Variants in ZC3H11A observed in about 807,000 individuals in gnomAD.
ZC3H11A encodes zinc finger CCCH domain-containing protein 11A.
ZC3H11A carries 22 observed loss-of-function variants against 90.8 expected under a neutral mutation model. The ratio of observed to expected loss-of-function variants is 0.24; its 90% CI spans 0.17 to 0.35. ZC3H11A has a LOEUF of 0.35. ZC3H11A is among the 10% of genes least tolerant of loss of function. ZC3H11A has a pLI of 1.00. For missense variants in ZC3H11A, 701 were observed against 964.9 expected (o/e 0.73, Z 3.62); for synonymous variants, 294 against 339.8 (o/e 0.87, Z 1.48).
chr1:203,808,855 C>T (rs181928091), intron 2 of ZC3H11A, among the ~76,000 whole-genome samples: 3 of 152,000 alleles, frequency 2.0e-5, no homozygotes, highest in East Asian at 3.9e-4. Context: ...CTTGAGAAGG[C>T]GTTTTTCTGT....
At chr1:203,807,791 G>C (rs1308035404) in intron 2 of ZC3H11A, among the ~76,000 whole-genome samples, 1 of 152,006 alleles carries the variant, frequency 6.6e-6, no homozygotes, top group Non-Finnish European at 1.5e-5. Flanking sequence ...GCGCAGACCA[G>C]AGTGCAGTGG....
At chr1:203,847,004 TA>T (rs201111472) in intron 12 of ZC3H11A, among the ~76,000 whole-genome samples, 179 bp from the exon 13 acceptor site, 8,944 of 143,982 alleles carry the variant, frequency 0.062, 782 homozygotes, top group East Asian at 0.4. Flanking sequence ...GACTCTGTCT[TA>T]AAAAAAAAAA....
intron 2 of ZC3H11A, among the ~76,000 whole-genome samples, chr1:203,811,235 G>A (rs181818693): frequency 1.3e-3 from 195 of 152,076 alleles, no homozygotes; most frequent in Non-Finnish European, 1.7e-3. Context: ...TTGAACCCAG[G>A]AGGTGGAGGT....
At chr1:203,818,764 A>C in intron 4 of ZC3H11A, 75 bp downstream of exon 4, 1 of 1,603,766 alleles carries the variant, frequency 6.2e-7, no homozygotes, top group Non-Finnish European at 8.5e-7. Flanking sequence ...TAGGGACAAA[A>C]GTGACTTTTA....
chr1:203,806,175 G>A, intron 2 of ZC3H11A: 1 of 489,766 alleles, frequency 2.0e-6, no homozygotes, highest in Non-Finnish European at 4.1e-6. Flanking sequence ...TCTTGTCAGT[G>A]GATTCTGCCC....
At chr1:203,834,553 T>C (rs1683593253) in intron 10 of ZC3H11A, among the ~76,000 whole-genome samples, 1 of 152,160 alleles carries the variant, frequency 6.6e-6, no homozygotes, top group Admixed American at 6.5e-5. Context: ...ATTACAGGCA[T>C]GAGATACCAT....
At chr1:203,798,319 C>T (rs1558086735) in intron 1 of ZC3H11A, 11 of 1,536,118 alleles carry the variant, frequency 7.2e-6, no homozygotes, top group South Asian at 1.2e-5. Flanking sequence ...AGAGCCAAGA[C>T]ATCTGCCGTT....
intron 4 of ZC3H11A, among the ~76,000 whole-genome samples, chr1:203,820,007 C>T (rs189229953): frequency 6.6e-4 from 100 of 150,502 alleles, no homozygotes; most frequent in Admixed American, 1.1e-3. Flanking sequence ...TAGGCTGAGG[C>T]GGGTGAATCA....
chr1:203,850,056 A>G, intron 15 of ZC3H11A, 30 bp downstream of exon 15: 1 of 1,594,796 alleles, frequency 6.3e-7, no homozygotes, highest in South Asian at 1.1e-5. Flanking sequence ...GTATTGCTTT[A>G]GGTTATCAAA....
At chr1:203,798,181 C>A in intron 1 of ZC3H11A, 3 of 1,536,128 alleles carry the variant, frequency 2.0e-6, no homozygotes, top group Non-Finnish European at 2.6e-6. Context: ...TATATTCCTA[C>A]TGATCCATTA....
intron 5 of ZC3H11A, 106 bp downstream of exon 5, chr1:203,828,528 C>A: frequency 1.5e-6 from 2 of 1,352,110 alleles, no homozygotes; most frequent in South Asian, 1.4e-5. Flanking sequence ...TGTGAAACAG[C>A]AGAATTATTT....
chr1:203,813,054 A>G (rs1038305427), intron 2 of ZC3H11A, among the ~76,000 whole-genome samples: 1 of 152,054 alleles, frequency 6.6e-6, no homozygotes, highest in South Asian at 2.1e-4. Context: ...CAAGAGTTAT[A>G]TATTTTGTAT....
In ZC3H11A at chr1:203,833,636, T is replaced by G. The variant is rs890118303; in HGVS notation, c.812-155T>G. Reference sequence around the variant, plus strand: ...GGTTTGGGTTTTTTTTTTTTTTTTTTGATATAATGGCCTTCCTTAAGACTG... The same window carrying G: ...GGTTTGGGTTTTTTTTTTTTTTTTTGGATATAATGGCCTTCCTTAAGACTG... On this transcript the variant is annotated intron_variant, in intron 9 of 17. Coordinates refer to ENST00000367210, the MANE Select transcript of ZC3H11A (RefSeq NM_001376342.1). Among the ~76,000 whole-genome samples, 21 of 134,350 alleles carry G rather than the reference T, an allele frequency of 1.6e-4. No individual in the cohort carries two copies. In the East Asian group the frequency reaches 4.7e-3, roughly 30 times the overall value. The allele number at this position is 134,350 out of a possible 152,430, so 88.1% of individuals were successfully genotyped here.
intron 11 of ZC3H11A, among the ~76,000 whole-genome samples, chr1:203,839,498 A>C (rs1458406796): frequency 6.6e-6 from 1 of 152,124 alleles, no homozygotes; most frequent in Admixed American, 6.6e-5. Context: ...ACTTTCTTTG[A>C]AATAAGAAAC....
intron 4 of ZC3H11A, among the ~76,000 whole-genome samples, chr1:203,826,169 G>A (rs1470999130): frequency 6.6e-6 from 1 of 152,084 alleles, no homozygotes; most frequent in Non-Finnish European, 1.5e-5. Flanking sequence ...TCTACCTTTC[G>A]GGTGTGACAG....
At chr1:203,796,970 T>A (rs1668735301) in intron 1 of ZC3H11A, 1 of 153,226 alleles carries the variant, frequency 6.5e-6, no homozygotes. Flanking sequence ...TTTTGGGTTG[T>A]ATTGGCAAAT....
intron 4 of ZC3H11A, among the ~76,000 whole-genome samples, chr1:203,820,958 C>G (rs1019946363): frequency 3.3e-5 from 5 of 152,096 alleles, no homozygotes; most frequent in Non-Finnish European, 7.4e-5. Context: ...TACCCCGTTT[C>G]TCATCAGACT....
intron 4 of ZC3H11A, among the ~76,000 whole-genome samples, chr1:203,824,433 G>A (rs953591167): frequency 3.9e-5 from 6 of 152,112 alleles, no homozygotes; most frequent in South Asian, 4.1e-4. Flanking sequence ...CCCCTTCTGT[G>A]TGCAATTCAT....
intron 10 of ZC3H11A, among the ~76,000 whole-genome samples, chr1:203,834,342 G>A (rs1683491829): frequency 6.6e-6 from 1 of 152,158 alleles, no homozygotes; most frequent in Non-Finnish European, 1.5e-5. Context: ...TGCAATCTCA[G>A]CTCACTGCAA....
Sources: allele counts gnomAD v4.1 joint callset (sites outside exome capture counted in the v4.1 genomes callset), GRCh38; gene constraint gnomAD v4.1.1; transcripts MANE v1.5; gene names NCBI Gene and HGNC (gene_info 2026-07-23, HGNC 2026-07-21).